Variants in PPP2R2C observed in about 807,000 individuals in gnomAD.
PPP2R2C encodes the protein protein phosphatase 2 regulatory subunit Bgamma.
In PPP2R2C, 10 loss-of-function variants were observed where a neutral mutation model predicts 45.3. That is an observed-to-expected ratio of 0.22 (90% CI 0.14 to 0.37). PPP2R2C has a LOEUF of 0.37. Among genes scored for constraint, PPP2R2C ranks in the 10% least tolerant of loss-of-function variants. The probability of loss-of-function intolerance (pLI) is 1.00; values close to 1 mark genes in which losing one functional copy is unlikely to be tolerated. For missense variants in PPP2R2C, 308 were observed against 619.7 expected, an observed-to-expected ratio of 0.50 and a Z score of 5.34; for synonymous variants, 257 against 245.4, an observed-to-expected ratio of 1.05 and a Z score of -0.44.
At chr4:6,431,381 C>T (rs1313422302) in intron 1 of PPP2R2C, among the ~76,000 whole-genome samples, 1 of 152,242 alleles carries the variant, frequency 6.6e-6, no homozygotes, top group Admixed American at 6.5e-5. Context: ...GCCCTGCTCC[C>T]AGGACAAAAT....
intron 2 of PPP2R2C, among the ~76,000 whole-genome samples, chr4:6,496,243 G>A (rs1722877815): frequency 6.6e-6 from 1 of 152,176 alleles, no homozygotes; most frequent in Non-Finnish European, 1.5e-5. Context: ...GGGGGGCAAA[G>A]TTCAGCCCTC....
At chr4:6,354,584 C>T (rs374313483) in intron 5 of PPP2R2C, among the ~76,000 whole-genome samples, 8 of 152,052 alleles carry the variant, frequency 5.3e-5, no homozygotes, top group East Asian at 1.9e-4. Flanking sequence ...GATGGGGAGA[C>T]GACTCTGAAC....
At chr4:6,423,854 G>A (rs1369507418) in intron 1 of PPP2R2C, among the ~76,000 whole-genome samples, 1 of 152,186 alleles carries the variant, frequency 6.6e-6, no homozygotes, top group Admixed American at 6.5e-5. Context: ...CCATGGAAAG[G>A]AGTGCCCTTG....
intron 2 of PPP2R2C, among the ~76,000 whole-genome samples, chr4:6,524,123 T>C (rs1291074332): frequency 1.3e-5 from 2 of 151,932 alleles, no homozygotes; most frequent in Non-Finnish European, 2.9e-5. Flanking sequence ...GGTTTCACCA[T>C]GTTGGTCTGG....
chr4:6,537,843 C>A (rs1724682880), intron 1 of PPP2R2C, among the ~76,000 whole-genome samples: 1 of 152,108 alleles, frequency 6.6e-6, no homozygotes, highest in African/African-American at 2.4e-5. Context: ...AGCCACCACG[C>A]CCGGCCAAAG....
chr4:6,536,293 T>C (rs574138713), intron 1 of PPP2R2C, among the ~76,000 whole-genome samples: 1 of 152,294 alleles, frequency 6.6e-6, no homozygotes, highest in Admixed American at 6.5e-5. Flanking sequence ...TGAACAGATT[T>C]CAACAACTAG....
chr4:6,553,166 C>A (rs1725239545), intron 1 of PPP2R2C, among the ~76,000 whole-genome samples: 1 of 152,208 alleles, frequency 6.6e-6, no homozygotes, highest in African/African-American at 2.4e-5. Context: ...ATGGAGAGCA[C>A]AGCCGACCCT....
At chr4:6,394,898 T>A (rs1716916837) in intron 1 of PPP2R2C, among the ~76,000 whole-genome samples, 1 of 152,286 alleles carries the variant, frequency 6.6e-6, no homozygotes, top group East Asian at 1.9e-4. Context: ...GCCTATCTGC[T>A]CCAGGGCAGG....
At chr4:6,384,155 C>T in intron 1 of PPP2R2C, 1 of 985,522 alleles carries the variant, frequency 1.0e-6, no homozygotes, top group Middle Eastern at 5.2e-4. Context: ...GGCCCAGGGA[C>T]ACCCAGACAC....
intron 1 of PPP2R2C, among the ~76,000 whole-genome samples, chr4:6,396,586 C>T (rs1026793476): frequency 1.3e-5 from 2 of 152,376 alleles, no homozygotes; most frequent in Admixed American, 1.3e-4. Flanking sequence ...TGGTGAGCAC[C>T]CCTCACACTT....
At chr4:6,399,146 T>A (rs532460950) in intron 1 of PPP2R2C, among the ~76,000 whole-genome samples, 1 of 152,330 alleles carries the variant, frequency 6.6e-6, no homozygotes, top group East Asian at 1.9e-4. Flanking sequence ...GTGAAGGCCA[T>A]GCTCCAAATC....
Position 6,334,479 on chromosome 4 carries a change from C to T in PPP2R2C, c.791-748G>A, listed in dbSNP as rs185419568. 6.4e-3 allele frequency among the ~76,000 whole-genome samples: 970 copies of T among 152,306 alleles called. 6 individuals carry two copies. Among genetic ancestry groups the T allele is most frequent in the South Asian group, 0.012 (60 of 4,814 alleles). ...CTCCCCAGACAGTGTCCCCTCCCCA[C>T]TGCCCCCATAACCTGGCCTTCCTGA... is the stretch of plus-strand genomic sequence containing the variant. On this transcript the variant is annotated intron_variant, in intron 6 of 8. Coordinates refer to ENST00000382599, the MANE Select transcript of PPP2R2C (RefSeq NM_020416.4).
intron 1 of PPP2R2C, among the ~76,000 whole-genome samples, chr4:6,442,873 C>T (rs562782783): frequency 1.3e-5 from 2 of 152,350 alleles, no homozygotes; most frequent in African/African-American, 4.8e-5. Flanking sequence ...AGTGGCTGCA[C>T]AGCAGTGGGA....
At chr4:6,360,059 G>A (rs1320727730) in intron 5 of PPP2R2C, among the ~76,000 whole-genome samples, 1 of 152,228 alleles carries the variant, frequency 6.6e-6, no homozygotes, top group Non-Finnish European at 1.5e-5. Context: ...ATTGAACTTT[G>A]AGACATGGTA....
At chr4:6,527,505 C>T (rs1724252365) in intron 2 of PPP2R2C, among the ~76,000 whole-genome samples, 1 of 98,118 alleles carries the variant, frequency 1.0e-5, no homozygotes. Flanking sequence ...CCCCAACCAA[C>T]ATGTGCCATG....
At chr4:6,555,624 C>G (rs766285789) in intron 1 of PPP2R2C, 1 of 152,280 alleles carries the variant, frequency 6.6e-6, no homozygotes, top group South Asian at 2.1e-4. Flanking sequence ...GTGAACCCCA[C>G]GGGCGAGGGC....
chr4:6,488,185 T>C (rs1353986358), intron 2 of PPP2R2C, among the ~76,000 whole-genome samples: 2 of 152,352 alleles, frequency 1.3e-5, no homozygotes, highest in East Asian at 3.9e-4. Flanking sequence ...CTGCTAATTT[T>C]AACATCTGTG....
At chr4:6,365,062 C>T (rs985413559) in intron 5 of PPP2R2C, among the ~76,000 whole-genome samples, 1 of 152,214 alleles carries the variant, frequency 6.6e-6, no homozygotes, top group African/African-American at 2.4e-5. Context: ...TCCCAAGGTG[C>T]TTGGCTTGGA....
chr4:6,387,725 A>G (rs1346393623), intron 1 of PPP2R2C, among the ~76,000 whole-genome samples: 1 of 151,752 alleles, frequency 6.6e-6, no homozygotes, highest in Non-Finnish European at 1.5e-5. Context: ...AGGCAGGAGA[A>G]TTGCTTGAAC....
Sources: gnomAD v4.1 joint callset for allele counts (sites outside exome capture counted in the v4.1 genomes callset) on GRCh38, gnomAD v4.1.1 for gene constraint, MANE v1.5 for transcripts, NCBI Gene and HGNC (gene_info 2026-07-23, HGNC 2026-07-21) for gene names.